Variants in RTF1 observed in about 807,000 individuals in gnomAD.
RTF1 encodes RTF1 homolog, Paf1/RNA polymerase II complex component, also known as RNA polymerase-associated protein RTF1 homolog.
Under a neutral mutation model 95.7 loss-of-function variants are expected in RTF1, and 10 were observed. The ratio of observed to expected loss-of-function variants is 0.10; its 90% CI spans 0.06 to 0.18. The LOEUF (loss-of-function observed/expected upper bound fraction) is 0.18, where lower values mean the gene tolerates loss of function less well. RTF1 is among the 10% of genes least tolerant of loss of function. RTF1 has a pLI of 1.00. For synonymous variants in RTF1, 305 were observed against 311.8 expected (o/e 0.98, Z 0.23); for missense variants, 458 against 875.6 (o/e 0.52, Z 6.02).
chr15:41,449,195 A>AT (rs920440656), intron 2 of RTF1, among the ~76,000 whole-genome samples: 12 of 101,912 alleles, frequency 1.2e-4, no homozygotes, highest in South Asian at 3.2e-4. Context: ...ATTTTATTTT[A>AT]TTTTTTTTGT....
chr15:41,455,072 T>C (rs1216572736), intron 3 of RTF1, among the ~76,000 whole-genome samples: 1 of 151,992 alleles, frequency 6.6e-6, no homozygotes, highest in Non-Finnish European at 1.5e-5. Context: ...TCCCAGCACT[T>C]TGGGAGGCCA....
In RTF1 at chr15:41,417,129, T is replaced by A. The variant is rs1287589036; in HGVS notation, c.14T>A (p.Leu5His). The A allele has an allele frequency of 2.4e-6, 3 of 1,251,378 alleles. No homozygotes were observed. Among genetic ancestry groups the A allele is most frequent in the Non-Finnish European group, 3.0e-6 (3 of 994,162 alleles). 77.5% of individuals were successfully genotyped at this position (1,251,378 alleles called of 1,614,324 possible). MRGR[L>H]CVGRAAAAAA... ...AGCGGAGCGCGCATGCGCGGTCGCC[T>A]TTGTGTGGGTCGAGCAGCGGCGGCG... Residue 5 changes from leucine (L) to histidine (H), a missense_variant, in exon 1 of 18, where the codon CTT becomes CAT. By Grantham distance (99) the Leu-to-His change is moderately conservative (BLOSUM62 -3). Transcript: ENST00000389629.
At chr15:41,425,021 AAG>A (rs981304774) in intron 1 of RTF1, among the ~76,000 whole-genome samples, 1 of 151,998 alleles carries the variant, frequency 6.6e-6, no homozygotes, top group Non-Finnish European at 1.5e-5. Flanking sequence ...AAAAGAAAAA[AAG>A]AAAAAAATTT....
intron 3 of RTF1, among the ~76,000 whole-genome samples, chr15:41,454,003 C>A (rs554995659): frequency 1.3e-5 from 2 of 152,272 alleles, no homozygotes; most frequent in East Asian, 3.9e-4. Context: ...ATACTTTTTC[C>A]ATGCCAACAT....
intron 1 of RTF1, among the ~76,000 whole-genome samples, chr15:41,436,623 CAAAAAAA>C (rs1217444789): frequency 2.9e-3 from 149 of 50,832 alleles, no homozygotes; most frequent in Non-Finnish European, 4.9e-3. Flanking sequence ...GACTCTGTCT[CAAAAAAA>C]AAAAAAAAAA....
At chr15:41,421,793 C>T (rs190448535) in intron 1 of RTF1, among the ~76,000 whole-genome samples, 1,664 of 150,746 alleles carry the variant, frequency 0.011, 20 homozygotes, top group Non-Finnish European at 0.017. Flanking sequence ...ACGGCTGTAG[C>T]GTTGACCTCC....
chr15:41,442,049 T>C (rs1276104958), intron 2 of RTF1, among the ~76,000 whole-genome samples: 1 of 152,202 alleles, frequency 6.6e-6, no homozygotes, highest in Non-Finnish European at 1.5e-5. Flanking sequence ...TAACTCAATG[T>C]TATTACTGTG....
At chr15:41,473,701 T>C (rs938866674) in intron 8 of RTF1, among the ~76,000 whole-genome samples, 23 of 152,214 alleles carry the variant, frequency 1.5e-4, no homozygotes, top group African/African-American at 5.5e-4. Context: ...TAGCTAGGAC[T>C]GTAGGTGCAC....
intron 2 of RTF1, among the ~76,000 whole-genome samples, chr15:41,439,329 CG>C (rs1478985256): frequency 6.6e-6 from 1 of 152,074 alleles, no homozygotes; most frequent in Non-Finnish European, 1.5e-5. Flanking sequence ...CCACTGCGCC[CG>C]GACTCTCTTT....
intron 2 of RTF1, among the ~76,000 whole-genome samples, chr15:41,447,972 C>T (rs1430651563): frequency 6.6e-6 from 1 of 152,086 alleles, no homozygotes; most frequent in African/African-American, 2.4e-5. Context: ...TCTTTAGATC[C>T]CATTTACTAC....
chr15:41,419,437 G>A (rs939853258), intron 1 of RTF1, among the ~76,000 whole-genome samples: 1 of 152,198 alleles, frequency 6.6e-6, no homozygotes, highest in Admixed American at 6.5e-5. Flanking sequence ...TTTGAACCCA[G>A]ATCTGCATGA....
intron 5 of RTF1, 72 bp from the exon 6 acceptor site, chr15:41,466,069 C>T (rs1042564168): frequency 4.0e-6 from 4 of 999,990 alleles, no homozygotes; most frequent in Non-Finnish European, 5.7e-6. Flanking sequence ...GGACTAAATG[C>T]ATTAAGTAGG....
chr15:41,470,720 A>G (rs60501235), intron 7 of RTF1, among the ~76,000 whole-genome samples: 7,723 of 132,266 alleles, frequency 0.058, 454 homozygotes, highest in African/African-American at 0.16. Flanking sequence ...GTGCAGTGGC[A>G]GGATCTCGGC....
At chr15:41,458,607 G>T (rs574030434) in intron 4 of RTF1, among the ~76,000 whole-genome samples, 4 of 151,600 alleles carry the variant, frequency 2.6e-5, no homozygotes, top group Admixed American at 2.6e-4. Flanking sequence ...AAATTAGCCT[G>T]GTGTGGTGTT....
chr15:41,443,000 T>A lies in RTF1; in HGVS notation c.309+4569T>A, dbSNP rs541855653. On this transcript the variant is annotated intron_variant, in intron 2 of 17. Transcript: ENST00000389629. Reference sequence around the variant, plus strand: ...TTATATATGTCTCTCATACCGTTTCTTTTCATTAGTGAGCCATTAATATAG... The same window carrying A: ...TTATATATGTCTCTCATACCGTTTCATTTCATTAGTGAGCCATTAATATAG... Among the ~76,000 whole-genome samples the A allele has an allele frequency of 6.6e-4, 100 of 152,294 alleles. 1 individual carries two copies. The highest frequency in any genetic ancestry group is 2.3e-3 in the African/African-American group (94 of 41,578).
Position 41,471,196 on chromosome 15 carries a change from C to T in RTF1, c.1050C>T (p.Ser350=). The T allele has an allele frequency of 1.9e-6, 3 of 1,611,386 alleles. No homozygotes were observed. Among genetic ancestry groups the T allele is most frequent in the Non-Finnish European group, 1.7e-6 (2 of 1,179,026 alleles). The change falls in exon 8 of 18, where the codon TCC becomes TCT. Residue 350 remains serine, a synonymous_variant. Coordinates refer to ENST00000389629, the MANE Select transcript of RTF1 (RefSeq NM_015138.5). The part of the protein sequence containing the change: ...EEEKEEIPPK[S]QPVSLPEELN... ...GGAAAGAAGAGATCCCTCCCAAATC[C>T]CAACCAGTTTCCTTACCTGAAGAAT...
At chr15:41,433,950 ATTC>A (rs1303271049) in intron 1 of RTF1, among the ~76,000 whole-genome samples, 1 of 150,838 alleles carries the variant, frequency 6.6e-6, no homozygotes, top group African/African-American at 2.4e-5. Flanking sequence ...GGTTCAAGCA[ATTC>A]TTCTGCCTCA....
At chr15:41,446,094 C>T (rs2050759699) in intron 2 of RTF1, among the ~76,000 whole-genome samples, 2 of 152,036 alleles carry the variant, frequency 1.3e-5, no homozygotes, top group African/African-American at 2.4e-5. Context: ...AGGAACCGTG[C>T]CCTCTCAAAC....
At chr15:41,465,029 C>T in intron 5 of RTF1, 144 bp downstream of exon 5, 1 of 1,305,348 alleles carries the variant, frequency 7.7e-7, no homozygotes, top group Non-Finnish European at 9.8e-7. Flanking sequence ...TTTCATTAAT[C>T]TCTGGACATA....
Sources: allele counts gnomAD v4.1 joint callset (sites outside exome capture counted in the v4.1 genomes callset), GRCh38; gene constraint gnomAD v4.1.1; transcripts MANE v1.5; gene names NCBI Gene and HGNC (gene_info 2026-07-23, HGNC 2026-07-21).